SPAG16: variants seen among roughly 807,000 people sequenced by gnomAD.
SPAG16 encodes the protein sperm-associated antigen 16 protein.
Under a neutral mutation model 80.4 loss-of-function variants are expected in SPAG16, and 86 were observed. The ratio of observed to expected loss-of-function variants is 1.07; its 90% CI spans 0.90 to 1.28. The LOEUF (loss-of-function observed/expected upper bound fraction) is 1.28, where lower values mean the gene tolerates loss of function less well. Ranked by LOEUF, SPAG16 falls within the 50% of genes most tolerant of loss-of-function variation. SPAG16 has a pLI of 0.00. For missense variants in SPAG16, 870 were observed against 765.3 expected (o/e 1.14, Z -1.61); for synonymous variants, 294 against 265.9 (o/e 1.11, Z -1.03).
chr2:213,883,966 C>A lies in SPAG16; in HGVS notation c.1214+21338C>A, dbSNP rs924645249. 5.9e-5 allele frequency among the ~76,000 whole-genome samples: 9 copies of A among 152,168 alleles called. 1 individual carries two copies. The highest frequency in any genetic ancestry group is 1.9e-4 in the African/African-American group (8 of 41,448). ...GGTCTTCTCTTTTTATCCAGCCCAC[C>A]ACTCTCTGCCTTTTAAGTGGGGTGT... On this transcript the variant is annotated intron_variant, in intron 11 of 15. Transcript: ENST00000331683.
intron 10 of SPAG16, among the ~76,000 whole-genome samples, chr2:213,727,392 G>A (rs766834221): frequency 2.0e-5 from 3 of 152,102 alleles, no homozygotes; most frequent in Non-Finnish European, 4.4e-5. Context: ...AATCAATGGA[G>A]TGTGACAGGA....
intron 6 of SPAG16, among the ~76,000 whole-genome samples, chr2:213,347,402 C>T (rs1435749073): frequency 1.3e-5 from 2 of 152,034 alleles, no homozygotes; most frequent in Non-Finnish European, 1.5e-5. Context: ...CTGCTCTGAT[C>T]TTAGTTATTT....
At chr2:213,591,129 T>C (rs1665204744) in intron 10 of SPAG16, among the ~76,000 whole-genome samples, 2 of 152,238 alleles carry the variant, frequency 1.3e-5, no homozygotes, top group African/African-American at 2.4e-5. Flanking sequence ...TGTACATTTT[T>C]ATTCTATATT....
chr2:213,374,164 G>A (rs72939041), intron 8 of SPAG16, among the ~76,000 whole-genome samples: 2,075 of 152,144 alleles, frequency 0.014, 24 homozygotes, highest in Middle Eastern at 0.024. Flanking sequence ...AACTGGTATC[G>A]AATAGAAAAA....
At chr2:213,946,380 T>C (rs943862939) in intron 12 of SPAG16, among the ~76,000 whole-genome samples, 1 of 152,084 alleles carries the variant, frequency 6.6e-6, no homozygotes, top group Non-Finnish European at 1.5e-5. Flanking sequence ...CCCAGAGTGC[T>C]GGGATTACAG....
intron 15 of SPAG16, among the ~76,000 whole-genome samples, chr2:214,322,692 T>A (rs1696185444): frequency 6.6e-6 from 1 of 152,212 alleles, no homozygotes; most frequent in African/African-American, 2.4e-5. Flanking sequence ...AAAATTAACC[T>A]GCACACTCAT....
At chr2:213,759,709 A>C (rs1175252978) in intron 10 of SPAG16, among the ~76,000 whole-genome samples, 1 of 152,188 alleles carries the variant, frequency 6.6e-6, no homozygotes, top group Non-Finnish European at 1.5e-5. Context: ...ATAGTAATGC[A>C]GGAAATGTAG....
At chr2:213,916,256 T>G (rs1200653403) in intron 11 of SPAG16, among the ~76,000 whole-genome samples, 1 of 152,212 alleles carries the variant, frequency 6.6e-6, no homozygotes, top group African/African-American at 2.4e-5. Flanking sequence ...GGTTTTACGT[T>G]TAAGTCTTTA....
At chr2:214,288,562 T>A (rs906963430) in intron 15 of SPAG16, among the ~76,000 whole-genome samples, 2 of 152,158 alleles carry the variant, frequency 1.3e-5, no homozygotes, top group African/African-American at 2.4e-5. Context: ...ATGAGTTCCC[T>A]TCTCCTCACA....
intron 10 of SPAG16, among the ~76,000 whole-genome samples, chr2:213,651,312 A>T (rs906127226): frequency 2.0e-5 from 3 of 152,178 alleles, no homozygotes; most frequent in Admixed American, 6.5e-5. Context: ...AAGGATGTAA[A>T]GTGGGAGAGA....
chr2:214,046,906 GA>G (rs35035036), intron 13 of SPAG16, among the ~76,000 whole-genome samples: 76,145 of 145,334 alleles, frequency 0.52, 19,618 homozygotes, highest in African/African-American at 0.58. Context: ...TAAACAATCT[GA>G]AAAAAAAAAA....
At chr2:213,387,644 C>T (rs1351065579) in intron 9 of SPAG16, among the ~76,000 whole-genome samples, 17 of 148,962 alleles carry the variant, frequency 1.1e-4, no homozygotes, top group Non-Finnish European at 1.8e-4. Context: ...TTAGTAGAGA[C>T]GGGGTTTCAC....
At chr2:213,625,264 G>C (rs921507987) in intron 10 of SPAG16, among the ~76,000 whole-genome samples, 1 of 152,020 alleles carries the variant, frequency 6.6e-6, no homozygotes, top group Non-Finnish European at 1.5e-5. Context: ...TTCTGAAGAG[G>C]CCTCAGGAAA....
At chr2:213,363,466 G>A (rs753091731) in intron 7 of SPAG16, among the ~76,000 whole-genome samples, 15 of 152,014 alleles carry the variant, frequency 9.9e-5, no homozygotes, top group Non-Finnish European at 1.6e-4. Flanking sequence ...TGAACAGATG[G>A]TATTTTGTGT....
At chr2:214,371,666 T>C (rs1026408061) in intron 15 of SPAG16, among the ~76,000 whole-genome samples, 1 of 145,520 alleles carries the variant, frequency 6.9e-6, no homozygotes, top group Non-Finnish European at 1.5e-5. Flanking sequence ...AAATTATAAA[T>C]ATATAGTTAT....
chr2:213,588,541 G>A (rs1038636744), intron 10 of SPAG16, among the ~76,000 whole-genome samples: 2 of 150,586 alleles, frequency 1.3e-5, no homozygotes, highest in African/African-American at 4.9e-5. Flanking sequence ...GGTGGCTCAC[G>A]CCTGTAATCC....
In SPAG16 at chr2:213,930,021, G is replaced by A; in HGVS notation, c.1276G>A (p.Gly426Ser). 1 of 1,614,088 alleles carries A rather than the reference G, an allele frequency of 6.2e-7. No homozygotes were observed. The highest frequency in any genetic ancestry group is 1.1e-5 in the South Asian group (1 of 91,062). The change falls in exon 12 of 16, where the codon GGC becomes AGC. Residue 426 changes from glycine (G) to serine (S), a missense_variant. Transcript: ENST00000331683. ...TTVKLWDLCK[G>S]DCILTFEGHS... is the part of the protein sequence containing the mutation. ...AGTTAAATTATGGGATCTATGTAAA[G>A]GCGATTGCATTTTGACCTTTGAAGG... is the stretch of plus-strand genomic sequence containing the variant.
At chr2:213,949,708 C>T (rs1397358) in intron 12 of SPAG16, among the ~76,000 whole-genome samples, 51,865 of 152,010 alleles carry the variant, frequency 0.34, 9,331 homozygotes, top group South Asian at 0.47. Flanking sequence ...CTTAGGCCTT[C>T]ATTTTTATTG....
chr2:214,388,061 ATTT>A (rs987296579), intron 15 of SPAG16, among the ~76,000 whole-genome samples: 2 of 152,070 alleles, frequency 1.3e-5, no homozygotes, highest in African/African-American at 4.8e-5. Context: ...CCTAGTACAT[ATTT>A]TTTAATGTAT....
Sources: allele counts gnomAD v4.1 joint callset (sites outside exome capture counted in the v4.1 genomes callset), GRCh38; gene constraint gnomAD v4.1.1; transcripts MANE v1.5; gene names NCBI Gene and HGNC (gene_info 2026-07-23, HGNC 2026-07-21).